The following SMYD3 variants were observed in gnomAD, a reference collection of about 807,000 sequenced individuals.
SMYD3 encodes the protein histone-lysine N-methyltransferase SMYD3.
Under a neutral mutation model 57.7 loss-of-function variants are expected in SMYD3, and 36 were observed. The observed-to-expected ratio is 0.62, with a 90% CI of 0.48 to 0.82. The LOEUF (loss-of-function observed/expected upper bound fraction) is 0.82. Ranked by LOEUF, SMYD3 falls within the 40% of genes least tolerant of loss-of-function variation. SMYD3 has a pLI of 0.00. For missense variants in SMYD3, 515 were observed against 538.8 expected, an observed-to-expected ratio of 0.96 and a Z score of 0.44; for synonymous variants, 211 against 195.0, an observed-to-expected ratio of 1.08 and a Z score of -0.68.
Position 245,853,741 on chromosome 1 carries a change from G to A in SMYD3, c.1076+4755C>T, listed in dbSNP as rs200823426. Among the ~76,000 whole-genome samples the A allele has an allele frequency of 1.6e-4, 24 of 151,916 alleles. No homozygotes were observed. The East Asian group carries it at 3.7e-3, about 23-fold the overall frequency. ...AAAAAGGAGAAAAAAAAAATCCCCC[G>A]CAAAATTAAAAACGAATGGGGCTGC... On this transcript the variant is annotated intron_variant, in intron 10 of 11. Coordinates refer to ENST00000490107, the MANE Select transcript of SMYD3 (RefSeq NM_001167740.2).
At chr1:246,218,192 A>G (rs1046335415) in intron 5 of SMYD3, among the ~76,000 whole-genome samples, 1 of 152,042 alleles carries the variant, frequency 6.6e-6, no homozygotes, top group Admixed American at 6.6e-5. Context: ...ATTATAACAC[A>G]TAAAAAACTG....
intron 1 of SMYD3, among the ~76,000 whole-genome samples, chr1:246,365,849 A>G (rs999343359): frequency 1.3e-5 from 2 of 152,196 alleles, no homozygotes; most frequent in African/African-American, 4.8e-5. Flanking sequence ...TGCCAAGCCA[A>G]TCTGAGAACC....
intron 5 of SMYD3, among the ~76,000 whole-genome samples, chr1:246,243,907 G>C (rs943018755): frequency 7.1e-6 from 1 of 141,282 alleles, no homozygotes; most frequent in African/African-American, 2.6e-5. Flanking sequence ...TTTAAAAAAT[G>C]AATAAAAGCC....
chr1:245,904,456 T>A (rs543927753), intron 8 of SMYD3, among the ~76,000 whole-genome samples: 1 of 152,276 alleles, frequency 6.6e-6, no homozygotes, highest in African/African-American at 2.4e-5. Flanking sequence ...ACAGCAATTG[T>A]GAGGCACTGA....
At chr1:245,785,780 C>A (rs1378269764) in intron 10 of SMYD3, among the ~76,000 whole-genome samples, 1 of 152,110 alleles carries the variant, frequency 6.6e-6, no homozygotes, top group African/African-American at 2.4e-5. Flanking sequence ...CTCCCTGTAA[C>A]CTCAAACTCC....
chr1:246,410,223 G>A (rs1463776393), intron 1 of SMYD3, among the ~76,000 whole-genome samples: 1 of 152,148 alleles, frequency 6.6e-6, no homozygotes, highest in Non-Finnish European at 1.5e-5. Flanking sequence ...TAGGAGTGGT[G>A]AGAGAGGGCA....
rs2062988938 is a variant in SMYD3, at chr1:246,205,697, G to A, written c.531+121504C>T. Among the ~76,000 whole-genome samples, 3 of 152,206 alleles carry A rather than the reference G, an allele frequency of 2.0e-5. 1 individual carries two copies. Among genetic ancestry groups the A allele is most frequent in the South Asian group, 2.1e-4 (1 of 4,824 alleles). ...TAGCTGGGCATGGTGGCGAGCGCCTGTAGTCCCAGCTACTCGGGAAGCTGA... is the reference window on the plus strand; with the variant it reads ...TAGCTGGGCATGGTGGCGAGCGCCTATAGTCCCAGCTACTCGGGAAGCTGA... On this transcript the variant is annotated intron_variant, in intron 5 of 11. Transcript: ENST00000490107.
At chr1:246,091,348 G>A (rs1430636546) in intron 5 of SMYD3, among the ~76,000 whole-genome samples, 3 of 152,128 alleles carry the variant, frequency 2.0e-5, no homozygotes, top group Non-Finnish European at 4.4e-5. Context: ...GATGGGTTGT[G>A]GGCAACAGGA....
intron 5 of SMYD3, among the ~76,000 whole-genome samples, chr1:246,028,233 C>A (rs1175841187): frequency 6.6e-6 from 1 of 151,986 alleles, no homozygotes; most frequent in Non-Finnish European, 1.5e-5. Context: ...TAGTGGAAGT[C>A]CTAGTCAGAG....
At chr1:245,848,931 G>C (rs147065487) in intron 10 of SMYD3, among the ~76,000 whole-genome samples, 2 of 152,040 alleles carry the variant, frequency 1.3e-5, no homozygotes, top group Non-Finnish European at 2.9e-5. Flanking sequence ...CTCCAAGGAG[G>C]ATAGGCCAGA....
At chr1:245,935,363 G>GT (rs1553367233) in intron 5 of SMYD3, among the ~76,000 whole-genome samples, 1 of 152,088 alleles carries the variant, frequency 6.6e-6, no homozygotes, top group Non-Finnish European at 1.5e-5. Flanking sequence ...TCACAATGAG[G>GT]TATCACCTCA....
intron 10 of SMYD3, among the ~76,000 whole-genome samples, chr1:245,834,233 G>A (rs2049992935): frequency 6.6e-6 from 1 of 151,342 alleles, no homozygotes; most frequent in South Asian, 2.1e-4. Flanking sequence ...CAATTCTGAT[G>A]CATTTAAATG....
chr1:246,447,029 C>CA (rs57473890), intron 1 of SMYD3, among the ~76,000 whole-genome samples: 3,563 of 109,028 alleles, frequency 0.033, 70 homozygotes, highest in Non-Finnish European at 0.047. Context: ...ACTCCGTCTC[C>CA]AAAAAAAAAA....
intron 1 of SMYD3, among the ~76,000 whole-genome samples, chr1:246,419,785 G>A (rs968172500): frequency 1.3e-5 from 2 of 152,190 alleles, no homozygotes; most frequent in African/African-American, 4.8e-5. Flanking sequence ...ATGATCCAAG[G>A]TGGAATAGTT....
chr1:246,017,669 A>G (rs1438065128), intron 5 of SMYD3, among the ~76,000 whole-genome samples: 2 of 152,158 alleles, frequency 1.3e-5, no homozygotes, highest in Non-Finnish European at 2.9e-5. Context: ...TCACTAGGTT[A>G]AAGTGTTATC....
chr1:246,259,207 T>C (rs2063954570), intron 5 of SMYD3, among the ~76,000 whole-genome samples: 2 of 152,242 alleles, frequency 1.3e-5, no homozygotes, highest in South Asian at 2.1e-4. Context: ...ATCTGTCATA[T>C]CTGAGTTTCC....
intron 5 of SMYD3, among the ~76,000 whole-genome samples, chr1:246,170,411 CTTTT>C (rs34758534): frequency 7.1e-6 from 1 of 141,282 alleles, no homozygotes; most frequent in Non-Finnish European, 1.5e-5. Flanking sequence ...ACACTCATTA[CTTTT>C]TTTTTTTTTT....
chr1:246,387,164 C>T (rs188809754), intron 1 of SMYD3, among the ~76,000 whole-genome samples: 2 of 152,196 alleles, frequency 1.3e-5, no homozygotes, highest in Admixed American at 6.5e-5. Flanking sequence ...ATAAATATCC[C>T]TTCTAACCAC....
At chr1:246,268,578 C>A (rs2064155809) in intron 5 of SMYD3, among the ~76,000 whole-genome samples, 1 of 152,036 alleles carries the variant, frequency 6.6e-6, no homozygotes, top group Non-Finnish European at 1.5e-5. Flanking sequence ...GTGGCACACA[C>A]CTGTAGTCCC....
Sources: allele counts gnomAD v4.1 joint callset (sites outside exome capture counted in the v4.1 genomes callset), GRCh38; gene constraint gnomAD v4.1.1; transcripts MANE v1.5; gene names NCBI Gene and HGNC (gene_info 2026-07-23, HGNC 2026-07-21).